Variants in CEP44 observed in about 807,000 individuals in gnomAD.
CEP44 encodes the protein centrosomal protein of 44 kDa.
In CEP44, 45 loss-of-function variants were observed where a neutral mutation model predicts 46.7. The ratio of observed to expected loss-of-function variants is 0.96; its 90% CI spans 0.76 to 1.24. The LOEUF (loss-of-function observed/expected upper bound fraction) is 1.24. Among genes scored for constraint, CEP44 ranks in the 50% most tolerant of loss-of-function variants. CEP44 has a pLI of 0.00. For missense variants in CEP44, 475 were observed against 459.7 expected (o/e 1.03, Z -0.30); for synonymous variants, 142 against 146.0 (o/e 0.97, Z 0.20).
intron 8 of CEP44, among the ~76,000 whole-genome samples, chr4:174,327,120 A>C (rs1250079356): frequency 6.7e-6 from 1 of 150,086 alleles, no homozygotes; most frequent in African/African-American, 2.4e-5. Context: ...GTATATATAT[A>C]TCTACATATA....
At chr4:174,315,892 A>C (rs928592325) in intron 9 of CEP44, among the ~76,000 whole-genome samples, 2 of 151,500 alleles carry the variant, frequency 1.3e-5, no homozygotes, top group African/African-American at 4.8e-5. Flanking sequence ...TCAATAGGTT[A>C]TATTTTAAAA....
In CEP44 at chr4:174,308,854, C is replaced by T. The variant is rs1166645385; in HGVS notation, c.673C>T (p.Gln225Ter). 6.2e-7 allele frequency: 1 copy of T among 1,611,416 alleles called. No individual in the cohort carries two copies. The highest frequency in any genetic ancestry group is 1.3e-5 in the African/African-American group (1 of 74,832). ...EVKVPEIKAE[Q>*]QDVNVNPEIT... ...AAAGGTTCCTGAAATCAAGGCTGAG[C>T]AACAGGTAACAACTTTGGACTTTTT... The change falls in exon 7 of 12, where the codon CAA becomes TAA. Residue 225 changes from glutamine to a stop codon, truncating the protein, a stop_gained. Transcript: ENST00000503780. LOFTEE classifies it high-confidence loss of function.
downstream of CEP44, among the ~76,000 whole-genome samples, chr4:174,322,727 TA>T (rs1742404192): frequency 6.6e-6 from 1 of 152,204 alleles, no homozygotes; most frequent in Non-Finnish European, 1.5e-5. Flanking sequence ...TCCCCCATAT[TA>T]TGATAGAATT....
chr4:174,304,129 A>C (rs1314242325), intron 5 of CEP44, 118 bp from the exon 6 acceptor site: 1 of 1,190,804 alleles, frequency 8.4e-7, no homozygotes, highest in African/African-American at 1.6e-5. Context: ...GTCTCATTAG[A>C]GTCTCATTAT....
At position 174,310,160 on chromosome 4, in the gene CEP44, T is replaced by TA; in HGVS notation, c.885+104_885+105insA. The TA allele has an allele frequency of 5.0e-6, 5 of 1,009,878 alleles. No individual in the cohort carries two copies. The highest frequency in any genetic ancestry group is 7.1e-6 in the Non-Finnish European group (5 of 702,394). The allele number at this position is 1,009,878 out of a possible 1,614,324, so 62.6% of individuals were successfully genotyped here. A position where few individuals can be genotyped will look rare whatever the true frequency, so the allele number is the denominator to read the frequency against. ...TGGAAATGCTAAATATGAGAATATT[T>TA]GAATAATGAGAAAATGTCTAGTTAG... is the stretch of plus-strand genomic sequence containing the variant. On this transcript the variant is annotated intron_variant, in intron 8 of 11. Transcript: ENST00000503780. The surrounding 1 kb of genome is among the most constrained non-coding windows in gnomAD (Gnocchi z 4.2).
intron 9 of CEP44, among the ~76,000 whole-genome samples, 185 bp from the exon 10 acceptor site, chr4:174,315,981 A>G (rs541279945): frequency 4.6e-5 from 7 of 152,266 alleles, no homozygotes; most frequent in Admixed American, 2.0e-4. Context: ...TTTATTGGGC[A>G]ATTTTTAACA....
chr4:174,289,295 C>CTTTTTTTTT (rs34274387), intron 1 of CEP44, among the ~76,000 whole-genome samples: 1 of 128,782 alleles, frequency 7.8e-6, no homozygotes, highest in Non-Finnish European at 1.7e-5. Context: ...GTTCCCTCTT[C>CTTTTTTTTT]TTTTTTTTTT....
intron 8 of CEP44, among the ~76,000 whole-genome samples, chr4:174,330,198 AT>A (rs1447864530): frequency 6.6e-6 from 1 of 152,128 alleles, no homozygotes; most frequent in Non-Finnish European, 1.5e-5. Flanking sequence ...TTTATTAAAA[AT>A]GAAGATTGGC....
At chr4:174,306,801 A>T (rs1560905162) in intron 6 of CEP44, among the ~76,000 whole-genome samples, 2 of 152,158 alleles carry the variant, frequency 1.3e-5, no homozygotes, top group African/African-American at 4.8e-5. Context: ...AATTGCTAGC[A>T]ATCTTATCTA....
rs958191885 is a variant in CEP44 at position 174,318,269 on chromosome 4, G to T, written c.*886G>T. Reference sequence around the variant, plus strand: ...TTAGAGACAGGGTTTCTCCGTGTTGGTCAGGCTGGTCTCAAACTCCTGACC... The same window carrying T: ...TTAGAGACAGGGTTTCTCCGTGTTGTTCAGGCTGGTCTCAAACTCCTGACC... On this transcript the variant is annotated 3_prime_UTR_variant, in exon 12 of 12. Coordinates refer to ENST00000503780, the MANE Select transcript of CEP44 (RefSeq NM_001040157.3). The T allele has an allele frequency of 1.1e-6, 1 of 897,206 alleles. No individual in the cohort carries two copies. The highest frequency in any genetic ancestry group is 1.3e-6 in the Non-Finnish European group (1 of 749,682). The allele number at this position is 897,206 out of a possible 1,614,324, so 55.6% of individuals were successfully genotyped here.
intron 1 of CEP44, among the ~76,000 whole-genome samples, chr4:174,289,125 A>G (rs1223147862): frequency 6.6e-6 from 1 of 152,104 alleles, no homozygotes; most frequent in East Asian, 1.9e-4. Context: ...TGGTCATGGT[A>G]TATGATTCTT....
intron 11 of CEP44, among the ~76,000 whole-genome samples, chr4:174,317,088 A>G (rs1049731577): frequency 3.9e-5 from 6 of 152,064 alleles, no homozygotes; most frequent in African/African-American, 1.2e-4. Context: ...GCCTACTACT[A>G]TAGAAAATTA....
At chr4:174,304,967 T>C (rs1226975256) in intron 6 of CEP44, among the ~76,000 whole-genome samples, 1 of 152,228 alleles carries the variant, frequency 6.6e-6, no homozygotes, top group Non-Finnish European at 1.5e-5. Flanking sequence ...TAAGCTAAAA[T>C]ATTATTTATT....
intron 1 of CEP44, among the ~76,000 whole-genome samples, chr4:174,284,677 T>C (rs1192921364): frequency 6.6e-6 from 1 of 152,170 alleles, no homozygotes; most frequent in Non-Finnish European, 1.5e-5. Flanking sequence ...CCCGTTGAAC[T>C]CTTTACTTGT....
Position 174,288,073 on chromosome 4 carries a change from G to C in CEP44, c.-148+4130G>C, listed in dbSNP as rs956648501. On this transcript the variant is annotated intron_variant, in intron 1 of 11. Transcript: ENST00000503780. The surrounding 1 kb of genome is among the most constrained non-coding windows in gnomAD (Gnocchi z 4.6). Reference sequence around the variant, plus strand: ...TTTATATACAAAGGGACTATTTTTAGAGGTGTGTGTACAGGGATCTGGTGC... The same window carrying C: ...TTTATATACAAAGGGACTATTTTTACAGGTGTGTGTACAGGGATCTGGTGC... Among the ~76,000 whole-genome samples the C allele has an allele frequency of 6.6e-6, 1 of 152,210 alleles. No individual in the cohort carries two copies. Among genetic ancestry groups the C allele is most frequent in the African/African-American group, 2.4e-5 (1 of 41,456 alleles).
At chr4:174,324,892 C>A (rs1013131729), downstream of CEP44, among the ~76,000 whole-genome samples, 5 of 152,126 alleles carry the variant, frequency 3.3e-5, no homozygotes, top group Non-Finnish European at 4.4e-5. Flanking sequence ...TTCTCTGTTC[C>A]CAAATTCAAC....
chr4:174,317,160 G>T (rs528463990), intron 11 of CEP44, among the ~76,000 whole-genome samples, 175 bp from the exon 12 acceptor site: 2 of 151,864 alleles, frequency 1.3e-5, no homozygotes, highest in South Asian at 2.1e-4. Context: ...ACTCATAATC[G>T]ACTCCTCTTT....
rs1312578564 is a variant in CEP44 at position 174,312,880 on chromosome 4, G to A, written c.961+2022G>A. ...TTAAATCAGGAATAGTTTTTGTGAGGTTCCAGATTTGTTTTGCCTTTATCA... is the reference window on the plus strand; with the variant it reads ...TTAAATCAGGAATAGTTTTTGTGAGATTCCAGATTTGTTTTGCCTTTATCA... On this transcript the variant is annotated intron_variant, in intron 9 of 11. Transcript: ENST00000503780. The surrounding 1 kb of genome is among the most constrained non-coding windows in gnomAD (Gnocchi z 4.5). Among the ~76,000 whole-genome samples, 1 of 152,142 alleles carries A rather than the reference G, an allele frequency of 6.6e-6. No individual in the cohort carries two copies. Among genetic ancestry groups the A allele is most frequent in the Non-Finnish European group, 1.5e-5 (1 of 68,016 alleles).
In CEP44 at chr4:174,288,371, CAG is replaced by C. The variant is rs1378926787; in HGVS notation, c.-148+4430_-148+4431del. On this transcript the variant is annotated intron_variant, in intron 1 of 11. Transcript: ENST00000503780. This position sits in a 1 kb window ranked among gnomAD's most constrained non-coding sequence, Gnocchi z 4.6. ...AATCACAGACACTGGGTTGTACCTG[CAG>C]ATCTTATTTATTTTGCCTAACTGAA... 1.3e-5 allele frequency among the ~76,000 whole-genome samples: 2 copies of C among 152,134 alleles called. No homozygotes were observed. The highest frequency in any genetic ancestry group is 2.9e-5 in the Non-Finnish European group (2 of 68,006).
Sources: allele counts gnomAD v4.1 joint callset (sites outside exome capture counted in the v4.1 genomes callset), GRCh38; gene constraint gnomAD v4.1.1; non-coding constraint Gnocchi (gnomAD v3.1); transcripts MANE v1.5; gene names NCBI Gene and HGNC (gene_info 2026-07-23, HGNC 2026-07-21).